The following ALPK1 variants were observed in gnomAD, a reference collection of about 807,000 sequenced individuals.
ALPK1 encodes alpha-protein kinase 1.
In ALPK1, 110 loss-of-function variants were observed where a neutral mutation model predicts 120.6. That is an observed-to-expected ratio of 0.91 (90% confidence interval 0.78 to 1.07). The LOEUF is 1.07. Among genes scored for constraint, ALPK1 ranks in the 50% least tolerant of loss-of-function variants. The pLI is 0.00. For missense variants in ALPK1, 1,498 were observed against 1,483.9 expected (o/e 1.01, Z -0.16); for synonymous variants, 582 against 560.3 (o/e 1.04, Z -0.55).
At chr4:112,341,463 G>A (rs1311239550) in intron 2 of ALPK1, among the ~76,000 whole-genome samples, 1 of 152,160 alleles carries the variant, frequency 6.6e-6, no homozygotes, top group East Asian at 1.9e-4. Flanking sequence ...AGGCAGTTTG[G>A]GAGAGAAAGG....
rs145667064 is a variant in ALPK1, at chr4:112,437,804, C to T, written c.3189-680C>T. On this transcript the variant is annotated intron_variant, in intron 12 of 15. Transcript: ENST00000650871. Reference sequence around the variant, plus strand: ...GAAGTCTATGACTCAAACAATTCCCCTTGATTTTTGGTGGTCACTCTGGGC... The same window carrying T: ...GAAGTCTATGACTCAAACAATTCCCTTTGATTTTTGGTGGTCACTCTGGGC... Among the ~76,000 whole-genome samples the T allele has an allele frequency of 2.6e-5, 4 of 152,260 alleles. No homozygotes were observed. In the East Asian group the frequency reaches 7.7e-4, roughly 29 times the overall value.
intron 7 of ALPK1, 39 bp from the exon 8 acceptor site, chr4:112,426,428 C>A: frequency 1.3e-6 from 2 of 1,525,502 alleles, no homozygotes; most frequent in African/African-American, 1.4e-5. Context: ...CTAGCTGTTC[C>A]TCCCCTGTCC....
At chr4:112,413,096 T>C (rs987691152) in intron 5 of ALPK1, among the ~76,000 whole-genome samples, 1 of 152,266 alleles carries the variant, frequency 6.6e-6, no homozygotes, top group Non-Finnish European at 1.5e-5. Context: ...GAAAAATTTC[T>C]TCTTTAAAAT....
chr4:112,353,454 T>A (rs1730453355), intron 2 of ALPK1, among the ~76,000 whole-genome samples: 1 of 152,222 alleles, frequency 6.6e-6, no homozygotes, highest in Non-Finnish European at 1.5e-5. Context: ...TCAGTGAGTG[T>A]GCATCTTTGA....
chr4:112,375,732 C>T (rs1731626992), intron 2 of ALPK1, among the ~76,000 whole-genome samples: 1 of 151,938 alleles, frequency 6.6e-6, no homozygotes, highest in Non-Finnish European at 1.5e-5. Flanking sequence ...TAGCACTTTT[C>T]CTTTTCTTCA....
At chr4:112,398,499 A>G (rs906661760) in intron 4 of ALPK1, among the ~76,000 whole-genome samples, 1 of 152,076 alleles carries the variant, frequency 6.6e-6, no homozygotes, top group Non-Finnish European at 1.5e-5. Flanking sequence ...GGGTCTCCCT[A>G]TGTTGCCCAG....
chr4:112,308,813 G>A (rs1414485827), intron 1 of ALPK1, among the ~76,000 whole-genome samples: 1 of 152,096 alleles, frequency 6.6e-6, no homozygotes, highest in Non-Finnish European at 1.5e-5. Flanking sequence ...CTTTGGAGGG[G>A]GAGGGGCGCT....
chr4:112,432,331 A>G lies in ALPK1; in HGVS notation c.2784A>G (p.Ser928=), dbSNP rs1734603293. The change falls in exon 11 of 16, where the codon TCA becomes TCG. Residue 928 remains serine (S), a synonymous_variant. Transcript: ENST00000650871. ...GCAGCCAGAACTCCAGCTCATCCTC[A>G]GTGTGGTGGCTGAAATCACCTGCAT... is the stretch of plus-strand genomic sequence containing the variant. The part of the protein sequence containing the change: ...LNCSQNSSSS[S]VWWLKSPAFS... 1 of 1,614,188 alleles carries G rather than the reference A, an allele frequency of 6.2e-7. No individual in the cohort carries two copies. The highest frequency in any genetic ancestry group is 8.5e-7 in the Non-Finnish European group (1 of 1,180,030).
Position 112,430,526 on chromosome 4 carries a change from G to A in ALPK1, c.979G>A (p.Glu327Lys). 1 of 1,614,148 alleles carries A rather than the reference G, an allele frequency of 6.2e-7. No homozygotes were observed. Among genetic ancestry groups the A allele is most frequent in the Non-Finnish European group, 8.5e-7 (1 of 1,180,028 alleles). The change falls in exon 11 of 16, where the codon GAA (glutamate) becomes AAA (lysine). Residue 327 changes from glutamate (E) to lysine (K), a missense_variant. Glu to Lys is a moderately conservative substitution (Grantham distance 56, BLOSUM62 1). Transcript: ENST00000650871. ...AGAATTGAAAAACTTACATCTGTGTGAAGCCAAAGAGGCCTTTGAGATTGG... is the reference window on the plus strand; with the variant it reads ...AGAATTGAAAAACTTACATCTGTGTAAAGCCAAAGAGGCCTTTGAGATTGG... The part of the protein sequence containing the change: ...PPELKNLHLC[E>K]AKEAFEIGLL...
intron 2 of ALPK1, chr4:112,357,462 G>A (rs1233409949): frequency 2.8e-6 from 2 of 713,120 alleles, no homozygotes; most frequent in Non-Finnish European, 5.0e-6. Flanking sequence ...GCAGCAGAAA[G>A]CGAGGGAAGG....
chr4:112,358,099 CGAG>C (rs1730729680), intron 2 of ALPK1: 1 of 584,726 alleles, frequency 1.7e-6, no homozygotes, highest in African/African-American at 1.8e-5. Context: ...CCTTAAGATG[CGAG>C]ATGAAGGGCC....
chr4:112,414,272 T>C, intron 5 of ALPK1: 1 of 496,346 alleles, frequency 2.0e-6, no homozygotes, highest in Middle Eastern at 3.2e-4. Context: ...CAGGATCCCA[T>C]CCAGCCAAAC....
chr4:112,401,776 A>G (rs1319823121), intron 4 of ALPK1, among the ~76,000 whole-genome samples: 1 of 152,244 alleles, frequency 6.6e-6, no homozygotes, highest in African/African-American at 2.4e-5. Flanking sequence ...CATATACAGT[A>G]GAACTGAGTA....
At chr4:112,391,303 A>G (rs889190264) in intron 4 of ALPK1, among the ~76,000 whole-genome samples, 16 of 152,224 alleles carry the variant, frequency 1.1e-4, no homozygotes, top group Middle Eastern at 3.2e-3. Context: ...GAGAAGGGCA[A>G]CAAATGTTGA....
chr4:112,380,409 T>C (rs1220278033), intron 3 of ALPK1, among the ~76,000 whole-genome samples: 1 of 152,048 alleles, frequency 6.6e-6, no homozygotes, highest in Non-Finnish European at 1.5e-5. Context: ...TCAATGGAGA[T>C]AGGGGGTGAT....
chr4:112,386,536 A>G (rs1732159842), intron 4 of ALPK1, among the ~76,000 whole-genome samples: 1 of 152,178 alleles, frequency 6.6e-6, no homozygotes, highest in African/African-American at 2.4e-5. Flanking sequence ...AAAGCATATC[A>G]CGGGGTCACA....
At chr4:112,365,169 A>C (rs1314276425) in intron 2 of ALPK1, among the ~76,000 whole-genome samples, 1 of 152,178 alleles carries the variant, frequency 6.6e-6, no homozygotes, top group Non-Finnish European at 1.5e-5. Context: ...CACTTTCACC[A>C]GTTCTATTCA....
intron 2 of ALPK1, among the ~76,000 whole-genome samples, chr4:112,317,330 C>T (rs1271783513): frequency 1.3e-5 from 2 of 152,086 alleles, no homozygotes; most frequent in Non-Finnish European, 2.9e-5. Flanking sequence ...TTCATGAAGC[C>T]TTCCTCCTAT....
intron 4 of ALPK1, among the ~76,000 whole-genome samples, chr4:112,401,403 A>T (rs566794403): frequency 6.6e-6 from 1 of 152,366 alleles, no homozygotes; most frequent in Admixed American, 6.5e-5. Flanking sequence ...CTGAAAGAAC[A>T]AGAGATAAAG....
Sources: gnomAD v4.1 joint callset for allele counts (sites outside exome capture counted in the v4.1 genomes callset) on GRCh38, gnomAD v4.1.1 for gene constraint, MANE v1.5 for transcripts, NCBI Gene and HGNC (gene_info 2026-07-23, HGNC 2026-07-21) for gene names.